CAMK4: variants seen among roughly 807,000 people sequenced by gnomAD.
CAMK4 encodes the protein calcium/calmodulin-dependent protein kinase type IV.
In CAMK4, 22 loss-of-function variants were observed where a neutral mutation model predicts 44.9. That is an observed-to-expected ratio of 0.49 (90% confidence interval 0.35 to 0.70). The LOEUF is 0.70. Ranked by LOEUF, CAMK4 falls within the 30% of genes least tolerant of loss-of-function variation. The probability of loss-of-function intolerance (pLI) is 0.01; values close to 1 mark genes in which losing one functional copy is unlikely to be tolerated. For missense variants in CAMK4, 498 were observed against 586.8 expected (o/e 0.85, Z 1.56); for synonymous variants, 218 against 215.4 (o/e 1.01, Z -0.11).
chr5:111,298,613 G>A (rs1049368642), intron 1 of CAMK4, among the ~76,000 whole-genome samples: 6 of 152,208 alleles, frequency 3.9e-5, no homozygotes, highest in Non-Finnish European at 7.4e-5. Flanking sequence ...GGTGCGACTA[G>A]CCCCTGGTGG....
At chr5:111,472,276 A>T (rs140822648) in intron 7 of CAMK4, among the ~76,000 whole-genome samples, 1 of 152,000 alleles carries the variant, frequency 6.6e-6, no homozygotes, top group African/African-American at 2.4e-5. Flanking sequence ...TTGCATTCCA[A>T]CCCCTATCCC....
chr5:111,395,240 GAAAAAGA>G (rs1751961744), intron 5 of CAMK4, among the ~76,000 whole-genome samples: 5 of 131,386 alleles, frequency 3.8e-5, no homozygotes, highest in Admixed American at 2.3e-4. Context: ...AAAAAAAAAA[GAAAAAGA>G]AAAAAGAAAA....
chr5:111,322,992 T>C (rs893372289), intron 1 of CAMK4, among the ~76,000 whole-genome samples: 2 of 152,110 alleles, frequency 1.3e-5, no homozygotes, highest in African/African-American at 4.8e-5. Context: ...AGGAACAGTC[T>C]TAACAACTTG....
At chr5:111,253,613 A>G (rs971257882) in intron 1 of CAMK4, among the ~76,000 whole-genome samples, 1 of 152,248 alleles carries the variant, frequency 6.6e-6, no homozygotes, top group African/African-American at 2.4e-5. Flanking sequence ...GAGAACAGAA[A>G]TGAACAAATG....
chr5:111,477,123 T>C (rs1755273524), intron 8 of CAMK4, among the ~76,000 whole-genome samples: 1 of 152,198 alleles, frequency 6.6e-6, no homozygotes, highest in African/African-American at 2.4e-5. Context: ...ACATGTGCCC[T>C]GTCTCACCTT....
chr5:111,387,966 C>A (rs908581315), intron 4 of CAMK4, among the ~76,000 whole-genome samples: 3 of 152,192 alleles, frequency 2.0e-5, no homozygotes, highest in Admixed American at 6.5e-5. Context: ...GACTTGAGTT[C>A]ATTGCTATTG....
intron 1 of CAMK4, among the ~76,000 whole-genome samples, chr5:111,335,370 C>T (rs1749357329): frequency 6.6e-6 from 1 of 151,348 alleles, no homozygotes. Context: ...CAGATTTGAT[C>T]TGTATTTGGC....
chr5:111,367,273 G>A (rs1052176560), intron 2 of CAMK4, among the ~76,000 whole-genome samples: 6 of 151,436 alleles, frequency 4.0e-5, no homozygotes, highest in South Asian at 2.1e-4. Flanking sequence ...AGAACTGAAC[G>A]TATCCTTTCA....
At chr5:111,377,956 T>C (rs1428642144) in intron 4 of CAMK4, among the ~76,000 whole-genome samples, 4 of 152,056 alleles carry the variant, frequency 2.6e-5, no homozygotes, top group African/African-American at 9.7e-5. Flanking sequence ...AGGAGAAATA[T>C]CTAAAGGGGA....
chr5:111,489,218 C>T lies in CAMK4; in HGVS notation c.*4752C>T, dbSNP rs976179034. 6.6e-6 allele frequency: 1 copy of T among 152,090 alleles called. No homozygotes were observed. Among genetic ancestry groups the T allele is most frequent in the African/African-American group, 2.4e-5 (1 of 41,400 alleles). The allele number at this position is 152,090 out of a possible 1,614,324, so 9.4% of individuals were successfully genotyped here. On this transcript the variant is annotated 3_prime_UTR_variant, in exon 11 of 11. Transcript: ENST00000282356. ...AAAGTCCTTTTATTCCCCTGACACACTCAGGGTGAATTTTTGTCTCCTTGG... is the reference window on the plus strand; with the variant it reads ...AAAGTCCTTTTATTCCCCTGACACATTCAGGGTGAATTTTTGTCTCCTTGG...
At chr5:111,271,576 A>G (rs2112582730) in intron 1 of CAMK4, among the ~76,000 whole-genome samples, 1 of 152,346 alleles carries the variant, frequency 6.6e-6, no homozygotes, top group South Asian at 2.1e-4. Context: ...AGGAGCTGGA[A>G]GTCAGATGGA....
chr5:111,462,287 A>G (rs1754671972), intron 7 of CAMK4, among the ~76,000 whole-genome samples: 1 of 152,196 alleles, frequency 6.6e-6, no homozygotes, highest in East Asian at 1.9e-4. Context: ...ACCCCGTACT[A>G]AAAATATTCT....
intron 1 of CAMK4, among the ~76,000 whole-genome samples, chr5:111,245,973 A>G (rs1165888400): frequency 6.6e-6 from 1 of 152,176 alleles, no homozygotes; most frequent in Non-Finnish European, 1.5e-5. Flanking sequence ...TGTTAACATT[A>G]TTTTTCTGCC....
intron 1 of CAMK4, among the ~76,000 whole-genome samples, chr5:111,287,917 G>C (rs533337507): frequency 1.3e-5 from 2 of 152,152 alleles, no homozygotes; most frequent in African/African-American, 4.8e-5. Flanking sequence ...CACTCCAGAC[G>C]CCTCTGGCAG....
intron 1 of CAMK4, among the ~76,000 whole-genome samples, chr5:111,228,571 AAC>A (rs1748312400): frequency 6.6e-6 from 1 of 151,104 alleles, no homozygotes; most frequent in African/African-American, 2.4e-5. Context: ...AATTTCATAA[AAC>A]AGTGTTTATT....
intron 1 of CAMK4, among the ~76,000 whole-genome samples, chr5:111,245,798 A>G (rs1749206745): frequency 6.6e-6 from 1 of 152,258 alleles, no homozygotes; most frequent in African/African-American, 2.4e-5. Context: ...ATATAAACAA[A>G]ACTTAACACA....
At chr5:111,293,866 C>A (rs1374508279) in intron 1 of CAMK4, among the ~76,000 whole-genome samples, 3 of 151,200 alleles carry the variant, frequency 2.0e-5, no homozygotes, top group Non-Finnish European at 4.4e-5. Context: ...CCTGCCTCAG[C>A]CTCCCGAGTA....
intron 4 of CAMK4, among the ~76,000 whole-genome samples, chr5:111,387,675 T>C (rs1751654174): frequency 6.6e-6 from 1 of 152,164 alleles, no homozygotes; most frequent in Non-Finnish European, 1.5e-5. Flanking sequence ...ATCTGAAATT[T>C]TTCTGACGTC....
intron 4 of CAMK4, among the ~76,000 whole-genome samples, chr5:111,387,045 A>T (rs930617975): frequency 6.6e-6 from 1 of 152,238 alleles, no homozygotes; most frequent in African/African-American, 2.4e-5. Flanking sequence ...TGTGACAATT[A>T]TCTTAAAATG....
Sources: gnomAD v4.1 joint callset for allele counts (sites outside exome capture counted in the v4.1 genomes callset) on GRCh38, gnomAD v4.1.1 for gene constraint, MANE v1.5 for transcripts, NCBI Gene and HGNC (gene_info 2026-07-23, HGNC 2026-07-21) for gene names.